The following SLC35G2 variants were observed in gnomAD, a reference collection of about 807,000 sequenced individuals.
The protein encoded by SLC35G2 is transmembrane protein 22.
Under a neutral mutation model 27.2 loss-of-function variants are expected in SLC35G2, and 20 were observed. The observed-to-expected ratio is 0.74, with a 90% CI of 0.52 to 1.07. The LOEUF is 1.07. Ranked by LOEUF, SLC35G2 falls within the 50% of genes least tolerant of loss-of-function variation. The probability of loss-of-function intolerance (pLI) is 0.00; values close to 1 mark genes in which losing one functional copy is unlikely to be tolerated. For missense variants in SLC35G2, 416 were observed against 493.3 expected, an observed-to-expected ratio of 0.84 and a Z score of 1.48; for synonymous variants, 148 against 165.3, an observed-to-expected ratio of 0.90 and a Z score of 0.80.
chr3:136,841,930 T>C (rs1937117223), intron 1 of SLC35G2: 1 of 152,204 alleles, frequency 6.6e-6, no homozygotes, highest in South Asian at 2.1e-4. Context: ...CTCTGAAAAA[T>C]CTAAAATGTG....
intron 1 of SLC35G2, chr3:136,820,322 C>T (rs1227349982): frequency 6.6e-6 from 1 of 152,208 alleles, no homozygotes; most frequent in Non-Finnish European, 1.5e-5. Flanking sequence ...TGAAGTGCCT[C>T]GCGCGCCCTC....
At chr3:136,841,979 TAAGC>T (rs1937119014) in intron 1 of SLC35G2, 1 of 152,108 alleles carries the variant, frequency 6.6e-6, no homozygotes. Flanking sequence ...CAAAAAGTAA[TAAGC>T]AATCATTTTA....
Position 136,855,075 on chromosome 3 carries a change from C to G in SLC35G2, c.615C>G (p.Phe205Leu). 1 of 1,614,214 alleles carries G rather than the reference C, an allele frequency of 6.2e-7. No individual in the cohort carries two copies. Among genetic ancestry groups the G allele is most frequent in the Non-Finnish European group, 8.5e-7 (1 of 1,180,042 alleles). ...TTMWRATTTVFSAILAFLLVD... is the reference protein window; with the variant it reads ...TTMWRATTTVLSAILAFLLVD... ...TGTGGAGAGCCACAACTACAGTCTT[C>G]AGTGCCATTTTGGCTTTTTTACTCG... The change falls in exon 2 of 2, where the codon TTC becomes TTG. Residue 205 changes from phenylalanine (F) to leucine (L), a missense_variant. By Grantham distance (22) the Phe-to-Leu change is conservative. Transcript: ENST00000446465.
chr3:136,844,137 A>G (rs1032864876), intron 1 of SLC35G2, among the ~76,000 whole-genome samples: 1 of 152,146 alleles, frequency 6.6e-6, no homozygotes, highest in Non-Finnish European at 1.5e-5. Context: ...GGTTGCAGTG[A>G]GCCGAGATTT....
chr3:136,836,560 G>A (rs1936876914), intron 1 of SLC35G2, among the ~76,000 whole-genome samples: 1 of 152,208 alleles, frequency 6.6e-6, no homozygotes, highest in Non-Finnish European at 1.5e-5. Flanking sequence ...AACAGCTTCT[G>A]TGAAAATGCT....
intron 1 of SLC35G2, among the ~76,000 whole-genome samples, chr3:136,820,805 G>A (rs746102606): frequency 5.3e-5 from 8 of 152,074 alleles, no homozygotes; most frequent in East Asian, 1.9e-4. Context: ...CAGAGCCTGT[G>A]GATTGAAGTG....
At chr3:136,845,240 C>T (rs1316400045) in intron 1 of SLC35G2, among the ~76,000 whole-genome samples, 4 of 152,090 alleles carry the variant, frequency 2.6e-5, no homozygotes, top group African/African-American at 7.2e-5. Context: ...CTATAATGAA[C>T]ATATATTGCT....
At chr3:136,823,123 T>C (rs1936498921) in intron 1 of SLC35G2, among the ~76,000 whole-genome samples, 1 of 152,220 alleles carries the variant, frequency 6.6e-6, no homozygotes, top group African/African-American at 2.4e-5. Flanking sequence ...TGAGATGATA[T>C]CTCATTGTAG....
chr3:136,822,516 C>T (rs1226052747), intron 1 of SLC35G2, among the ~76,000 whole-genome samples: 2 of 152,070 alleles, frequency 1.3e-5, no homozygotes, highest in Non-Finnish European at 2.9e-5. Context: ...GGTTTCACCA[C>T]GTTTGCCAAG....
intron 1 of SLC35G2, among the ~76,000 whole-genome samples, chr3:136,839,743 G>A (rs1400342904): frequency 6.6e-6 from 1 of 152,068 alleles, no homozygotes; most frequent in Non-Finnish European, 1.5e-5. Flanking sequence ...AGAAGCTACT[G>A]CATAGCTGAT....
At chr3:136,830,450 T>C (rs1281831844) in intron 1 of SLC35G2, among the ~76,000 whole-genome samples, 1 of 151,932 alleles carries the variant, frequency 6.6e-6, no homozygotes, top group Non-Finnish European at 1.5e-5. Context: ...GCCCAGCTAA[T>C]GTTTTTGTAT....
chr3:136,852,759 C>T (rs1178968319), intron 1 of SLC35G2, among the ~76,000 whole-genome samples: 1 of 152,072 alleles, frequency 6.6e-6, no homozygotes, highest in African/African-American at 2.4e-5. Context: ...TCCCAAAGTG[C>T]TGGGATTACA....
intron 1 of SLC35G2, among the ~76,000 whole-genome samples, chr3:136,852,653 C>T (rs1406011842): frequency 1.3e-5 from 2 of 151,728 alleles, no homozygotes; most frequent in Admixed American, 6.6e-5. Context: ...CCACCATTCC[C>T]AGCTAATTTT....
At chr3:136,833,473 T>C (rs978367761) in intron 1 of SLC35G2, among the ~76,000 whole-genome samples, 12 of 152,258 alleles carry the variant, frequency 7.9e-5, no homozygotes, top group Non-Finnish European at 1.5e-4. Flanking sequence ...CCCCAACCTT[T>C]TTGGCACCAG....
At chr3:136,844,225 C>T (rs894335960) in intron 1 of SLC35G2, among the ~76,000 whole-genome samples, 1 of 151,620 alleles carries the variant, frequency 6.6e-6, no homozygotes, top group African/African-American at 2.4e-5. Flanking sequence ...CGCGGTGGCT[C>T]ACACCGGTAA....
intron 1 of SLC35G2, among the ~76,000 whole-genome samples, chr3:136,851,135 C>A (rs918411208): frequency 6.6e-6 from 1 of 152,034 alleles, no homozygotes; most frequent in Non-Finnish European, 1.5e-5. Flanking sequence ...AAGAAAAATA[C>A]ACAAGTGGCT....
intron 1 of SLC35G2, among the ~76,000 whole-genome samples, chr3:136,850,526 G>A (rs1477341877): frequency 3.3e-5 from 5 of 152,082 alleles, no homozygotes; most frequent in Non-Finnish European, 5.9e-5. Context: ...AAATGTATAA[G>A]CCAAGCTGGT....
At chr3:136,836,467 G>A (rs1936873108) in intron 1 of SLC35G2, among the ~76,000 whole-genome samples, 1 of 152,190 alleles carries the variant, frequency 6.6e-6, no homozygotes, top group South Asian at 2.1e-4. Flanking sequence ...AGGTTGTGGA[G>A]CAGAAATTCA....
intron 1 of SLC35G2, among the ~76,000 whole-genome samples, chr3:136,854,218 G>A (rs1937837421): frequency 6.6e-6 from 1 of 152,138 alleles, no homozygotes; most frequent in Non-Finnish European, 1.5e-5. Context: ...AGTAAGCAAA[G>A]AGAAATGGAG....
Sources: gnomAD v4.1 joint callset for allele counts (sites outside exome capture counted in the v4.1 genomes callset) on GRCh38, gnomAD v4.1.1 for gene constraint, MANE v1.5 for transcripts, NCBI Gene and HGNC (gene_info 2026-07-23, HGNC 2026-07-21) for gene names.